CSMD1: variants seen among roughly 807,000 people sequenced by gnomAD.
The protein encoded by CSMD1 is CUB and sushi domain-containing protein 1.
Under a neutral mutation model 417.5 loss-of-function variants are expected in CSMD1, and 213 were observed. The ratio of observed to expected loss-of-function variants is 0.51; its 90% CI spans 0.46 to 0.57. The LOEUF is 0.57. CSMD1 is among the 20% of genes least tolerant of loss of function. The probability of loss-of-function intolerance (pLI) is 0.00; values close to 1 mark genes in which losing one functional copy is unlikely to be tolerated. For synonymous variants in CSMD1, 2,862 were observed against 1,736.8 expected, an observed-to-expected ratio of 1.65 and a Z score of -16.11; for missense variants, 6,923 against 4,529.7, an observed-to-expected ratio of 1.53 and a Z score of -15.17.
At chr8:4,707,493 G>A (rs764705187) in intron 1 of CSMD1, among the ~76,000 whole-genome samples, 1 of 152,184 alleles carries the variant, frequency 6.6e-6, no homozygotes, top group African/African-American at 2.4e-5. Flanking sequence ...GATTTAGGAA[G>A]GGAAATCAGC....
intron 11 of CSMD1, among the ~76,000 whole-genome samples, chr8:3,485,239 G>A (rs192587026): frequency 2.6e-4 from 39 of 152,254 alleles, no homozygotes; most frequent in Non-Finnish European, 4.1e-4. Context: ...GGGAGGAAAC[G>A]ATTGCAGTAC....
At chr8:3,511,348 C>G (rs1241361370) in intron 10 of CSMD1, among the ~76,000 whole-genome samples, 1 of 150,442 alleles carries the variant, frequency 6.6e-6, no homozygotes, top group Non-Finnish European at 1.5e-5. Context: ...CCTGCACGTT[C>G]TGCACATGTA....
chr8:3,516,884 A>G (rs950878832), intron 10 of CSMD1, among the ~76,000 whole-genome samples: 1 of 152,218 alleles, frequency 6.6e-6, no homozygotes. Context: ...ACATGTTTAT[A>G]GCAGCACAAT....
At chr8:3,644,996 A>C (rs913975887) in intron 7 of CSMD1, among the ~76,000 whole-genome samples, 24 of 146,612 alleles carry the variant, frequency 1.6e-4, no homozygotes, top group African/African-American at 5.8e-4. Flanking sequence ...AAAAAAGTCA[A>C]TTGTTCTTTC....
intron 2 of CSMD1, among the ~76,000 whole-genome samples, chr8:4,447,304 T>C (rs1798873396): frequency 6.6e-6 from 1 of 152,192 alleles, no homozygotes; most frequent in Admixed American, 6.5e-5. Flanking sequence ...ACCGTGATCA[T>C]TATTATTACA....
chr8:3,302,882 G>C (rs1427122955), intron 25 of CSMD1, among the ~76,000 whole-genome samples: 1 of 152,142 alleles, frequency 6.6e-6, no homozygotes, highest in Non-Finnish European at 1.5e-5. Flanking sequence ...TCAGAACTTT[G>C]CAAAGTGAGT....
chr8:3,326,178 G>T (rs112224967), intron 23 of CSMD1, among the ~76,000 whole-genome samples: 1 of 152,142 alleles, frequency 6.6e-6, no homozygotes, highest in African/African-American at 2.4e-5. Context: ...TGACAGTTCC[G>T]TCTTCGCGAT....
At position 4,034,974 on chromosome 8, in the gene CSMD1, G is replaced by A. The variant is rs142023289; in HGVS notation, c.416-2875C>T. ...TCTGGAAATGGAACTTAGTCTGCGC[G>A]ACTCTTCTATACGTTTTTTCTGTTA... On this transcript the variant is annotated intron_variant, in intron 3 of 69. Transcript: ENST00000635120. 6.1e-3 allele frequency among the ~76,000 whole-genome samples: 930 copies of A among 152,242 alleles called. 13 individuals carry two copies. Among genetic ancestry groups the A allele is most frequent in the Middle Eastern group, 0.024 (7 of 294 alleles).
chr8:3,959,683 G>A (rs779131636), intron 5 of CSMD1, among the ~76,000 whole-genome samples: 2 of 152,092 alleles, frequency 1.3e-5, no homozygotes, highest in African/African-American at 2.4e-5. Flanking sequence ...TAGTACAGCA[G>A]GTAAGTTTCT....
At chr8:4,749,229 G>C (rs930405709) in intron 1 of CSMD1, among the ~76,000 whole-genome samples, 4 of 152,042 alleles carry the variant, frequency 2.6e-5, no homozygotes, top group African/African-American at 9.7e-5. Flanking sequence ...TTCATTAAAG[G>C]GTTAAATGTT....
intron 39 of CSMD1, among the ~76,000 whole-genome samples, chr8:3,154,490 G>C (rs1412161234): frequency 6.6e-6 from 1 of 152,206 alleles, no homozygotes; most frequent in African/African-American, 2.4e-5. Context: ...AATGGCTAGA[G>C]ACCTTATATT....
intron 49 of CSMD1, among the ~76,000 whole-genome samples, chr8:3,081,664 A>G (rs1041051853): frequency 1.3e-5 from 2 of 152,198 alleles, no homozygotes; most frequent in African/African-American, 4.8e-5. Flanking sequence ...ATACTGTCAG[A>G]GTCTAAACTG....
chr8:3,747,378 A>T (rs1347067441), intron 6 of CSMD1, among the ~76,000 whole-genome samples: 1 of 122,502 alleles, frequency 8.2e-6, no homozygotes, highest in African/African-American at 3.3e-5. Flanking sequence ...ATCATCTTTG[A>T]AAACACTTTT....
At chr8:4,665,099 C>T (rs1326826237) in intron 1 of CSMD1, among the ~76,000 whole-genome samples, 3 of 152,188 alleles carry the variant, frequency 2.0e-5, no homozygotes, top group Non-Finnish European at 4.4e-5. Flanking sequence ...CACCTTGCCA[C>T]CCAGCCCTGC....
intron 3 of CSMD1, among the ~76,000 whole-genome samples, chr8:4,231,499 T>C (rs1008280452): frequency 2.1e-5 from 3 of 140,162 alleles, no homozygotes; most frequent in African/African-American, 8.1e-5. Flanking sequence ...CGCCCTTCAA[T>C]TAGGAGACAT....
intron 10 of CSMD1, among the ~76,000 whole-genome samples, chr8:3,499,178 T>C (rs776539334): frequency 5.9e-5 from 9 of 152,194 alleles, no homozygotes; most frequent in Non-Finnish European, 1.2e-4. Context: ...TGTCTCATAG[T>C]GTCAGTTGGG....
rs1413552210 is a variant in CSMD1, at chr8:3,212,854, A to G, written c.4867+1643T>C. On this transcript the variant is annotated intron_variant, in intron 30 of 69. Coordinates refer to ENST00000635120, the MANE Select transcript of CSMD1 (RefSeq NM_033225.6). ...TACTTTTTTTTTTTTTTTGAGAGAG[A>G]GTTTCACTCTTGTTGCCCAAGCTGG... is the stretch of plus-strand genomic sequence containing the variant. 3.7e-5 allele frequency among the ~76,000 whole-genome samples: 5 copies of G among 134,270 alleles called. No individual in the cohort carries two copies. The South Asian group carries it at 9.2e-4, about 25-fold the overall frequency. The allele number at this position is 134,270 out of a possible 152,430, so 88.1% of individuals were successfully genotyped here.
intron 3 of CSMD1, among the ~76,000 whole-genome samples, chr8:4,264,642 G>A (rs1018913544): frequency 6.6e-6 from 1 of 152,092 alleles, no homozygotes; most frequent in South Asian, 2.1e-4. Flanking sequence ...GTCCCACCCA[G>A]GTACATGACA....
chr8:3,169,395 C>G (rs187992382), intron 37 of CSMD1, among the ~76,000 whole-genome samples: 3 of 151,834 alleles, frequency 2.0e-5, no homozygotes, highest in Non-Finnish European at 4.4e-5. Flanking sequence ...CATTCTGCTG[C>G]TAAGTGAAAT....
Sources: allele counts gnomAD v4.1 joint callset (sites outside exome capture counted in the v4.1 genomes callset), GRCh38; gene constraint gnomAD v4.1.1; transcripts MANE v1.5; gene names NCBI Gene and HGNC (gene_info 2026-07-23, HGNC 2026-07-21).